KIRREL3: variants seen among roughly 807,000 people sequenced by gnomAD.
KIRREL3 encodes kirre like nephrin family adhesion molecule 3.
Under a neutral mutation model 89.7 loss-of-function variants are expected in KIRREL3, and 36 were observed. That is an observed-to-expected ratio of 0.40 (90% CI 0.31 to 0.53). The LOEUF (loss-of-function observed/expected upper bound fraction) is 0.53. Ranked by LOEUF, KIRREL3 falls within the 20% of genes least tolerant of loss-of-function variation. The pLI is 0.49. For synonymous variants in KIRREL3, 445 were observed against 441.4 expected (o/e 1.01, Z -0.10); for missense variants, 864 against 1,056.6 (o/e 0.82, Z 2.53).
intron 2 of KIRREL3, among the ~76,000 whole-genome samples, chr11:126,536,109 C>T (rs1937845734): frequency 6.6e-6 from 1 of 152,142 alleles, no homozygotes; most frequent in Non-Finnish European, 1.5e-5. Context: ...GAGACTCCAT[C>T]TCAAAAAAAA....
chr11:126,485,711 G>A lies in KIRREL3; in HGVS notation c.434-12245C>T, dbSNP rs187275678. On this transcript the variant is annotated intron_variant, in intron 4 of 16. Transcript: ENST00000525144. The surrounding 1 kb of genome is among the most constrained non-coding windows in gnomAD (Gnocchi z 5.8). ...AGCATATTGCATGTGAAATGGGCTTGTTTCCACCTCTTGTTCTGCTATTAC... is the reference window on the plus strand; with the variant it reads ...AGCATATTGCATGTGAAATGGGCTTATTTCCACCTCTTGTTCTGCTATTAC... 1.1e-3 allele frequency among the ~76,000 whole-genome samples: 169 copies of A among 152,364 alleles called. 1 individual carries two copies. Among genetic ancestry groups the A allele is most frequent in the African/African-American group, 3.9e-3 (161 of 41,586 alleles).
Position 126,766,014 on chromosome 11 carries a change from T to A in KIRREL3, c.56-203102A>T, listed in dbSNP as rs889772393. Reference sequence around the variant, plus strand: ...GAGCTTGGGCATGCTGGGAGAATGATCTTAGCTGAGCAAATTCACCTCCTT... The same window carrying A: ...GAGCTTGGGCATGCTGGGAGAATGAACTTAGCTGAGCAAATTCACCTCCTT... On this transcript the variant is annotated intron_variant, in intron 1 of 16. Transcript: ENST00000525144. This position sits in a 1 kb window ranked among gnomAD's most constrained non-coding sequence, Gnocchi z 4.2. 3.9e-5 allele frequency among the ~76,000 whole-genome samples: 6 copies of A among 152,124 alleles called. No individual in the cohort carries two copies. Among genetic ancestry groups the A allele is most frequent in the Admixed American group, 3.3e-4 (5 of 15,276 alleles).
intron 1 of KIRREL3, among the ~76,000 whole-genome samples, chr11:126,592,770 T>G (rs1266354644): frequency 1.3e-5 from 2 of 152,146 alleles, no homozygotes. Context: ...GGTAAGGCCT[T>G]TTTCTGTGTG....
chr11:126,933,983 A>C (rs190000529), intron 1 of KIRREL3, among the ~76,000 whole-genome samples: 2 of 125,216 alleles, frequency 1.6e-5, no homozygotes, highest in East Asian at 4.6e-4. Flanking sequence ...ATGGAAATGC[A>C]AAGGATCTGG....
At chr11:126,919,855 C>T (rs572582016) in intron 1 of KIRREL3, among the ~76,000 whole-genome samples, 27 of 152,230 alleles carry the variant, frequency 1.8e-4, no homozygotes, top group African/African-American at 6.3e-4. Context: ...CAGAATATTC[C>T]AGTAACAATA....
At chr11:126,446,241 C>CTTT (rs1555106350) in intron 9 of KIRREL3, among the ~76,000 whole-genome samples, 1 of 149,722 alleles carries the variant, frequency 6.7e-6, no homozygotes, top group African/African-American at 2.5e-5. Context: ...TTAAAAGGCT[C>CTTT]TTTCTTTCTC....
chr11:126,927,425 G>T (rs1200104526), intron 1 of KIRREL3, among the ~76,000 whole-genome samples: 1 of 152,188 alleles, frequency 6.6e-6, no homozygotes, highest in African/African-American at 2.4e-5. Flanking sequence ...ACTTTGCAAT[G>T]CTAGGAGTTA....
At position 126,943,496 on chromosome 11, in the gene KIRREL3, G is replaced by T. The variant is rs146821501; in HGVS notation, c.55+56959C>A. On this transcript the variant is annotated intron_variant, in intron 1 of 16. Coordinates refer to ENST00000525144, the MANE Select transcript of KIRREL3 (RefSeq NM_032531.4). This position sits in a 1 kb window ranked among gnomAD's most constrained non-coding sequence, Gnocchi z 4.2. ...GGCTTTGCCCATTAGGAGTGTACAA[G>T]CATATTTACACAACGCCATGGAGCA... Among the ~76,000 whole-genome samples, 2 of 152,320 alleles carry T rather than the reference G, an allele frequency of 1.3e-5. No homozygotes were observed. Among genetic ancestry groups the T allele is most frequent in the African/African-American group, 4.8e-5 (2 of 41,574 alleles).
chr11:126,657,245 T>TA (rs1338798949), intron 1 of KIRREL3, among the ~76,000 whole-genome samples: 326 of 9,990 alleles, frequency 0.033, 1 homozygote, highest in South Asian at 0.13. Flanking sequence ...TCCAAATAAA[T>TA]AATTAAATAA....
chr11:126,669,045 C>T lies in KIRREL3; in HGVS notation c.56-106133G>A, dbSNP rs1202781097. The stretch of plus-strand genomic sequence containing the variant: ...GGGCTTTCCATCCCAATTTTCATCC[C>T]TTTTTGACAATTCTTGGTAAAAGCT... On this transcript the variant is annotated intron_variant, in intron 1 of 16. Coordinates refer to ENST00000525144, the MANE Select transcript of KIRREL3 (RefSeq NM_032531.4). The surrounding 1 kb of genome is among the most constrained non-coding windows in gnomAD (Gnocchi z 5.0). Among the ~76,000 whole-genome samples, 1 of 152,072 alleles carries T rather than the reference C, an allele frequency of 6.6e-6. No individual in the cohort carries two copies. Among genetic ancestry groups the T allele is most frequent in the Non-Finnish European group, 1.5e-5 (1 of 68,020 alleles).
chr11:126,905,056 C>T lies in KIRREL3; in HGVS notation c.55+95399G>A, dbSNP rs1208249498. Among the ~76,000 whole-genome samples the T allele has an allele frequency of 6.6e-6, 1 of 151,976 alleles. No homozygotes were observed. Among genetic ancestry groups the T allele is most frequent in the Non-Finnish European group, 1.5e-5 (1 of 67,996 alleles). On this transcript the variant is annotated intron_variant, in intron 1 of 16. Coordinates refer to ENST00000525144, the MANE Select transcript of KIRREL3 (RefSeq NM_032531.4). The surrounding 1 kb of genome is among the most constrained non-coding windows in gnomAD (Gnocchi z 5.0). ...GACATTTCAAGAGACTGGGTCATTC[C>T]CTGGTTTGGCAAAAAGGGCGACATG...
intron 1 of KIRREL3, among the ~76,000 whole-genome samples, chr11:126,810,352 C>G (rs1226881173): frequency 6.6e-6 from 1 of 152,216 alleles, no homozygotes; most frequent in East Asian, 1.9e-4. Flanking sequence ...AAACTTACAG[C>G]AGCTTCACAC....
intron 4 of KIRREL3, among the ~76,000 whole-genome samples, chr11:126,506,592 C>T (rs541021053): frequency 1.3e-5 from 2 of 152,138 alleles, no homozygotes; most frequent in African/African-American, 2.4e-5. Flanking sequence ...TGTAGAGAAA[C>T]TGGAATGCTC....
chr11:126,448,237 C>A (rs978731054), intron 8 of KIRREL3, among the ~76,000 whole-genome samples: 1 of 138,216 alleles, frequency 7.2e-6, no homozygotes, highest in African/African-American at 2.8e-5. Context: ...GAGCAGAGAT[C>A]TTGCCACTGC....
At chr11:126,425,813 A>G (rs1219851767) in intron 15 of KIRREL3, 89 bp from the exon 16 acceptor site, 21 of 1,044,528 alleles carry the variant, frequency 2.0e-5, no homozygotes, top group Non-Finnish European at 3.0e-5. Context: ...AACTCAAAAG[A>G]TTGCCCTGTA....
At chr11:126,468,607 G>A (rs1956797168) in intron 5 of KIRREL3, among the ~76,000 whole-genome samples, 1 of 152,208 alleles carries the variant, frequency 6.6e-6, no homozygotes, top group Admixed American at 6.5e-5. Context: ...GAGAATGGTC[G>A]GTGAGCAACC....
At chr11:126,426,852 A>G (rs1406466882) in intron 15 of KIRREL3, among the ~76,000 whole-genome samples, 1 of 152,224 alleles carries the variant, frequency 6.6e-6, no homozygotes, top group Non-Finnish European at 1.5e-5. Flanking sequence ...TCATTTTTCC[A>G]GTAAATGCTC....
Position 126,693,028 on chromosome 11 carries a change from C to T in KIRREL3, c.56-130116G>A, listed in dbSNP as rs568928251. Reference sequence around the variant, plus strand: ...CAAGAAGCTTGCATGCTCCTGCTCACGCCCTTGGAAAACAGACATGTGAGG... The same window carrying T: ...CAAGAAGCTTGCATGCTCCTGCTCATGCCCTTGGAAAACAGACATGTGAGG... On this transcript the variant is annotated intron_variant, in intron 1 of 16. Coordinates refer to ENST00000525144, the MANE Select transcript of KIRREL3 (RefSeq NM_032531.4). 7.9e-5 allele frequency among the ~76,000 whole-genome samples: 12 copies of T among 152,332 alleles called. No homozygotes were observed. The South Asian group carries it at 1.0e-3, about 13-fold the overall frequency.
rs1297204564 is a variant in KIRREL3, at chr11:126,897,326, T to C, written c.55+103129A>G. Among the ~76,000 whole-genome samples the C allele has an allele frequency of 6.6e-6, 1 of 152,070 alleles. No individual in the cohort carries two copies. Among genetic ancestry groups the C allele is most frequent in the African/African-American group, 2.4e-5 (1 of 41,410 alleles). On this transcript the variant is annotated intron_variant, in intron 1 of 16. Transcript: ENST00000525144. The surrounding 1 kb of genome is among the most constrained non-coding windows in gnomAD (Gnocchi z 4.2). ...TGAGGGGACAGTCATGAGGGGGAGA[T>C]GACACAGTTTAGGACAGGCTTCCCT...
Sources: allele counts gnomAD v4.1 joint callset (sites outside exome capture counted in the v4.1 genomes callset), GRCh38; gene constraint gnomAD v4.1.1; non-coding constraint Gnocchi (gnomAD v3.1); transcripts MANE v1.5; gene names NCBI Gene and HGNC (gene_info 2026-07-23, HGNC 2026-07-21).